The following ATG2B variants were observed in gnomAD, a reference collection of about 807,000 sequenced individuals.
ATG2B encodes the protein autophagy related 2B.
Under a neutral mutation model 241.3 loss-of-function variants are expected in ATG2B, and 121 were observed. That is an observed-to-expected ratio of 0.50 (90% confidence interval 0.43 to 0.58). The LOEUF (loss-of-function observed/expected upper bound fraction) is 0.58, where lower values mean the gene tolerates loss of function less well. Ranked by LOEUF, ATG2B falls within the 20% of genes least tolerant of loss-of-function variation. The probability of loss-of-function intolerance (pLI) is 0.00; values close to 1 mark genes in which losing one functional copy is unlikely to be tolerated. For synonymous variants in ATG2B, 858 were observed against 876.6 expected, an observed-to-expected ratio of 0.98 and a Z score of 0.37; for missense variants, 2,306 against 2,491.6, an observed-to-expected ratio of 0.93 and a Z score of 1.59.
chr14:96,346,898 C>T (rs1888182837), intron 2 of ATG2B, among the ~76,000 whole-genome samples: 1 of 152,160 alleles, frequency 6.6e-6, no homozygotes, highest in South Asian at 2.1e-4. Flanking sequence ...TGGCACAATA[C>T]TTTTTGAATC....
At chr14:96,294,845 T>G in intron 36 of ATG2B, 115 bp downstream of exon 36, 1 of 836,334 alleles carries the variant, frequency 1.2e-6, no homozygotes, top group East Asian at 2.6e-5. Context: ...AGCTGATGAT[T>G]TGGCAGTGCA....
At position 96,290,374 on chromosome 14, in the gene ATG2B, A is replaced by G. The variant is rs1180769531; in HGVS notation, c.5856+62T>C. 2 of 1,556,536 alleles carry G rather than the reference A, an allele frequency of 1.3e-6. No individual in the cohort carries two copies. The highest frequency in any genetic ancestry group is 8.7e-7 in the Non-Finnish European group (1 of 1,148,738). On this transcript the variant is annotated intron_variant, in intron 40 of 41. Coordinates refer to ENST00000359933, the MANE Select transcript of ATG2B (RefSeq NM_018036.7). This position sits in a 1 kb window ranked among gnomAD's most constrained non-coding sequence, Gnocchi z 4.4. ...TCTTCACAGTATCGTTTTAAAAACA[A>G]AAGGACCCAACCATTTCACAATGGC...
rs1425359458 is a variant in ATG2B, at chr14:96,305,281, C to G, written c.4733+308G>C. Among the ~76,000 whole-genome samples the G allele has an allele frequency of 3.9e-5, 6 of 152,168 alleles. No individual in the cohort carries two copies. In the East Asian group the frequency reaches 1.2e-3, roughly 29 times the overall value. Reference sequence around the variant, plus strand: ...CTGCGTTTCACTGCCCTCTGTCACTCACATGACTCACAGGACCTACTCATT... The same window carrying G: ...CTGCGTTTCACTGCCCTCTGTCACTGACATGACTCACAGGACCTACTCATT... On this transcript the variant is annotated intron_variant, in intron 31 of 41. Coordinates refer to ENST00000359933, the MANE Select transcript of ATG2B (RefSeq NM_018036.7).
At position 96,326,021 on chromosome 14, in the gene ATG2B, C is replaced by CA. The variant is rs1159883503; in HGVS notation, c.2164-100dup. 6.7e-6 allele frequency: 8 copies of CA among 1,199,980 alleles called. No individual in the cohort carries two copies. In the East Asian group the frequency reaches 2.0e-4, roughly 31 times the overall value. The allele number at this position is 1,199,980 out of a possible 1,614,324, so 74.3% of individuals were successfully genotyped here. A position where few individuals can be genotyped will look rare whatever the true frequency, so the allele number is the denominator to read the frequency against. On this transcript the variant is annotated intron_variant, in intron 14 of 41. Transcript: ENST00000359933. ...ACAATATGTATAATCACTATCTCCC[C>CA]ATTTGGTATAATGCATTAAAAGTCA...
chr14:96,308,754 C>T (rs117800221), intron 29 of ATG2B, among the ~76,000 whole-genome samples: 317 of 152,152 alleles, frequency 2.1e-3, no homozygotes, highest in Middle Eastern at 3.4e-3. Flanking sequence ...ATTAAGATTT[C>T]CCAATATATA....
chr14:96,312,003 T>C, intron 26 of ATG2B, 86 bp downstream of exon 26: 1 of 981,514 alleles, frequency 1.0e-6, no homozygotes, highest in Non-Finnish European at 1.6e-6. Flanking sequence ...TTCACTAGCA[T>C]TATCCCAGAG....
At position 96,302,068 on chromosome 14, in the gene ATG2B, C is replaced by G; in HGVS notation, c.5078G>C (p.Arg1693Thr). ...KALHVCPESG[R>T]SPQECCLRVS... ...TCTCAAGCAGCACTCCTGTGGGGACCTGCCAGATTCTGGACACACGTGTAA... is the reference window on the plus strand; with the variant it reads ...TCTCAAGCAGCACTCCTGTGGGGACGTGCCAGATTCTGGACACACGTGTAA... The change falls in exon 34 of 42, where the codon AGG (arginine) becomes ACG (threonine). Residue 1693 changes from arginine (R) to threonine (T), a missense_variant. By Grantham distance (71) the Arg-to-Thr change is moderately conservative (BLOSUM62 -1). This residue lies in a region of ATG2B where 379 missense variants were observed against 480.4 expected (regional missense o/e 0.79). Transcript: ENST00000359933. 2 of 1,614,064 alleles carry G rather than the reference C, an allele frequency of 1.2e-6. No individual in the cohort carries two copies. Among genetic ancestry groups the G allele is most frequent in the Non-Finnish European group, 1.7e-6 (2 of 1,179,970 alleles).
At chr14:96,288,622 G>A (rs878874179) in intron 41 of ATG2B, among the ~76,000 whole-genome samples, 4 of 151,980 alleles carry the variant, frequency 2.6e-5, no homozygotes, top group African/African-American at 9.7e-5. Context: ...GACCACAGAG[G>A]CTACTTTTCT....
chr14:96,311,003 C>T lies in ATG2B; in HGVS notation c.4161+114G>A, dbSNP rs530020096. The T allele has an allele frequency of 3.1e-6, 3 of 953,802 alleles. No homozygotes were observed. The East Asian group carries it at 8.2e-5, about 26-fold the overall frequency. The allele number at this position is 953,802 out of a possible 1,614,324, so 59.1% of individuals were successfully genotyped here. A position where few individuals can be genotyped will look rare whatever the true frequency, so the allele number is the denominator to read the frequency against. The stretch of plus-strand genomic sequence containing the variant: ...ACCCCATTATTCTGAAGGTAAAGAA[C>T]AGATGAATGACTTTCAAAGTTTCTT... On this transcript the variant is annotated intron_variant, in intron 28 of 41. Coordinates refer to ENST00000359933, the MANE Select transcript of ATG2B (RefSeq NM_018036.7).
In ATG2B at chr14:96,304,610, A is replaced by C. The variant is rs763664091; in HGVS notation, c.4734-7T>G. On this transcript the variant is annotated splice_region_variant and splice_polypyrimidine_tract_variant and intron_variant, in intron 31 of 41. Coordinates refer to ENST00000359933, the MANE Select transcript of ATG2B (RefSeq NM_018036.7). ...AGGCGAACTGTGGGGACTACTAAAA[A>C]TGAGCAAAAAAAAAAAAAACCCTTT... is the stretch of plus-strand genomic sequence containing the variant. 19 of 1,462,674 alleles carry C rather than the reference A, an allele frequency of 1.3e-5. No homozygotes were observed. Among genetic ancestry groups the C allele is most frequent in the East Asian group, 2.3e-5 (1 of 43,392 alleles). The allele number at this position is 1,462,674 out of a possible 1,614,324, so 90.6% of individuals were successfully genotyped here.
intron 27 of ATG2B, 104 bp downstream of exon 27, chr14:96,311,438 C>A: frequency 3.3e-6 from 4 of 1,200,506 alleles, no homozygotes; most frequent in Non-Finnish European, 4.7e-6. Context: ...AATATACTTA[C>A]TCTATTTCTG....
chr14:96,315,221 G>T lies in ATG2B; in HGVS notation c.3575C>A (p.Ala1192Asp). The change falls in exon 23 of 42, where the codon GCC (alanine) becomes GAC (aspartate). Residue 1192 changes from alanine to aspartate, a missense_variant. Physicochemically the swap from Ala to Asp is moderately radical, Grantham distance 126. Coordinates refer to ENST00000359933, the MANE Select transcript of ATG2B (RefSeq NM_018036.7). ...GAGAGTGGCTCCTTTCAGTCCTACG[G>T]CAATGAGAAATTCCTATACAGAACA... ...SESNTKEFLI[A>D]VGLKGATLQH... 6.2e-7 allele frequency: 1 copy of T among 1,613,850 alleles called. No homozygotes were observed.
At chr14:96,351,742 A>G (rs1445885789) in intron 1 of ATG2B, among the ~76,000 whole-genome samples, 1 of 151,750 alleles carries the variant, frequency 6.6e-6, no homozygotes, top group African/African-American at 2.4e-5. Flanking sequence ...TCTCAAAAAA[A>G]AAAAAAAAAA....
At chr14:96,325,310 A>G (rs529079405) in intron 15 of ATG2B, among the ~76,000 whole-genome samples, 4 of 152,214 alleles carry the variant, frequency 2.6e-5, no homozygotes, top group Non-Finnish European at 4.4e-5. Context: ...AGTGCTTAGC[A>G]TAATATTTAA....
chr14:96,350,550 CAGAA>C (rs568212657), intron 1 of ATG2B, among the ~76,000 whole-genome samples: 6 of 152,162 alleles, frequency 3.9e-5, no homozygotes, highest in Non-Finnish European at 8.8e-5. Context: ...AGGAGACAGA[CAGAA>C]AGAACGTAAA....
chr14:96,350,790 T>G (rs1888295747), intron 1 of ATG2B, among the ~76,000 whole-genome samples: 3 of 152,116 alleles, frequency 2.0e-5, no homozygotes. Flanking sequence ...CTAAAGACTT[T>G]CCCAGTAGTA....
intron 24 of ATG2B, 60 bp from the exon 25 acceptor site, chr14:96,313,217 A>AAAC (rs750355194): frequency 1.1e-4 from 151 of 1,402,006 alleles, no homozygotes; most frequent in Non-Finnish European, 1.4e-4. Context: ...ACTCTATTAA[A>AAAC]AACAACAACA....
chr14:96,326,563 A>C lies in ATG2B; in HGVS notation c.2164-641T>G, dbSNP rs934862043. ...AAGCCATCTTACAATAAAAGGGTCA[A>C]AGAACATCCCATTCAAATAGAAATC... On this transcript the variant is annotated intron_variant, in intron 14 of 41. Transcript: ENST00000359933. Among the ~76,000 whole-genome samples the C allele has an allele frequency of 3.3e-5, 5 of 152,194 alleles. No individual in the cohort carries two copies. In the South Asian group the frequency reaches 1.0e-3, roughly 32 times the overall value.
Position 96,329,641 on chromosome 14 carries a change from T to TA in ATG2B, c.1731-8dup, listed in dbSNP as rs1198042564. On this transcript the variant is annotated splice_polypyrimidine_tract_variant and splice_region_variant and intron_variant, in intron 11 of 41. Coordinates refer to ENST00000359933, the MANE Select transcript of ATG2B (RefSeq NM_018036.7). ...AATGCCAGTACCTATAAATCTATTA[T>TA]AAAAAATGCACCATTTAAGATTATT... 3 of 1,566,472 alleles carry TA rather than the reference T, an allele frequency of 1.9e-6. No individual in the cohort carries two copies. Among genetic ancestry groups the TA allele is most frequent in the Non-Finnish European group, 2.6e-6 (3 of 1,145,660 alleles).
Sources: allele counts gnomAD v4.1 joint callset (sites outside exome capture counted in the v4.1 genomes callset), GRCh38; gene constraint gnomAD v4.1.1; regional missense constraint gnomAD v4.1.1; non-coding constraint Gnocchi (gnomAD v3.1); transcripts MANE v1.5; gene names NCBI Gene and HGNC (gene_info 2026-07-23, HGNC 2026-07-21).